Variants in LIX1 observed in about 807,000 individuals in gnomAD.
LIX1 encodes limb and CNS expressed 1.
Under a neutral mutation model 33.4 loss-of-function variants are expected in LIX1, and 24 were observed. The observed-to-expected ratio is 0.72, with a 90% confidence interval of 0.52 to 1.01. The LOEUF is 1.01. Among genes scored for constraint, LIX1 ranks in the 50% least tolerant of loss-of-function variants. The pLI, the probability that LIX1 is intolerant of heterozygous loss-of-function variation, is 0.00. For synonymous variants in LIX1, 124 were observed against 124.0 expected (o/e 1.00, Z 0.00); for missense variants, 311 against 339.2 (o/e 0.92, Z 0.65).
intron 2 of LIX1, among the ~76,000 whole-genome samples, chr5:97,123,002 C>T (rs956631275): frequency 2.6e-5 from 4 of 152,164 alleles, no homozygotes; most frequent in African/African-American, 7.2e-5. Context: ...TGTGGCTGAC[C>T]GCTGCTCACT....
rs187467807 is a variant in LIX1 at position 97,092,671 on chromosome 5, A to T, written c.*2077T>A. 3.2e-3 allele frequency: 483 copies of T among 152,468 alleles called. 6 individuals are homozygous for T. Among genetic ancestry groups the T allele is most frequent in the South Asian group, 0.011 (51 of 4,828 alleles). 9.4% of individuals were successfully genotyped at this position (152,468 alleles called of 1,614,324 possible). A position where few individuals can be genotyped will look rare whatever the true frequency, so the allele number is the denominator to read the frequency against. ...ATTTACAGAATGGGTGCAGTTTTTAACTTGTAGGGCACAAAGTAAATTTGA... is the reference window on the plus strand; with the variant it reads ...ATTTACAGAATGGGTGCAGTTTTTATCTTGTAGGGCACAAAGTAAATTTGA... On this transcript the variant is annotated 3_prime_UTR_variant, in exon 6 of 6. Coordinates refer to ENST00000274382, the MANE Select transcript of LIX1 (RefSeq NM_153234.5).
rs1746105602 is a variant in LIX1, at chr5:97,092,189, G to C, written c.*2559C>G. 1 of 152,284 alleles carries C rather than the reference G, an allele frequency of 6.6e-6. No homozygotes were observed. Among genetic ancestry groups the C allele is most frequent in the African/African-American group, 2.4e-5 (1 of 41,414 alleles). The allele number at this position is 152,284 out of a possible 1,614,324, so 9.4% of individuals were successfully genotyped here. A position where few individuals can be genotyped will look rare whatever the true frequency, so the allele number is the denominator to read the frequency against. ...CCCCTAGGGCAATCTCTGGACTTTG[G>C]GGGGTCCACATACTCTGGAACTGTG... On this transcript the variant is annotated 3_prime_UTR_variant, in exon 6 of 6. Coordinates refer to ENST00000274382, the MANE Select transcript of LIX1 (RefSeq NM_153234.5).
chr5:97,141,275 C>T (rs778339781), intron 1 of LIX1, among the ~76,000 whole-genome samples: 4 of 152,080 alleles, frequency 2.6e-5, no homozygotes, highest in African/African-American at 4.8e-5. Flanking sequence ...TTCTTTCCTC[C>T]CCTTTTCGCT....
chr5:97,123,155 C>T (rs898565209), intron 2 of LIX1, among the ~76,000 whole-genome samples: 2 of 152,170 alleles, frequency 1.3e-5, no homozygotes, highest in African/African-American at 4.8e-5. Flanking sequence ...AAGAGCATTC[C>T]TTGATCATCT....
chr5:97,139,571 C>T (rs1748242471), intron 1 of LIX1, among the ~76,000 whole-genome samples: 1 of 152,182 alleles, frequency 6.6e-6, no homozygotes, highest in African/African-American at 2.4e-5. Flanking sequence ...TTGGATATTG[C>T]ACAAAGCCAA....
rs771783696 is a variant in LIX1 at position 97,107,398 on chromosome 5, T to G, written c.349A>C (p.Ile117Leu). Residue 117 changes from isoleucine (I) to leucine (L), a missense_variant, in exon 3 of 6, where the codon ATT becomes CTT. Coordinates refer to ENST00000274382, the MANE Select transcript of LIX1 (RefSeq NM_153234.5). ...ACTGCTTCCTGAACACTTTCCATAA[T>G]GAATTCCTTGGTGATCCTGCGAGAG... ...LPSRRITKEFIMESVQEAVAS... is the reference protein window; with the variant it reads ...LPSRRITKEFLMESVQEAVAS... 6.2e-7 allele frequency: 1 copy of G among 1,612,572 alleles called. No individual in the cohort carries two copies. The highest frequency in any genetic ancestry group is 1.1e-5 in the South Asian group (1 of 90,996).
chr5:97,103,049 G>T, intron 4 of LIX1: 1 of 454,690 alleles, frequency 2.2e-6, no homozygotes, highest in South Asian at 1.6e-5. Context: ...GTCTCAGAAT[G>T]GACAAGCTCA....
intron 3 of LIX1, among the ~76,000 whole-genome samples, chr5:97,106,799 A>G (rs953670650): frequency 1.3e-5 from 2 of 152,262 alleles, no homozygotes; most frequent in Non-Finnish European, 2.9e-5. Context: ...GAAATTTTCA[A>G]TGCTCTCTGA....
At chr5:97,140,170 T>C (rs1389751961) in intron 1 of LIX1, among the ~76,000 whole-genome samples, 1 of 152,144 alleles carries the variant, frequency 6.6e-6, no homozygotes, top group African/African-American at 2.4e-5. Flanking sequence ...AGAGAAAAAC[T>C]GTGTTTGCAT....
In LIX1 at chr5:97,092,510, A is replaced by C. The variant is rs1746126461; in HGVS notation, c.*2238T>G. 6.6e-6 allele frequency: 1 copy of C among 152,382 alleles called. No homozygotes were observed. The allele number at this position is 152,382 out of a possible 1,614,324, so 9.4% of individuals were successfully genotyped here. The stretch of plus-strand genomic sequence containing the variant: ...TCAGCTGAAATTGATTTACTATCAA[A>C]TCAGCATTAAAGGGACCAGCAAAGA... On this transcript the variant is annotated 3_prime_UTR_variant, in exon 6 of 6. Transcript: ENST00000274382.
chr5:97,101,928 G>A (rs1227081106), intron 4 of LIX1: 1 of 152,172 alleles, frequency 6.6e-6, no homozygotes, highest in African/African-American at 2.4e-5. Context: ...TAGCAAAGAT[G>A]TAAATAAACA....
intron 2 of LIX1, among the ~76,000 whole-genome samples, chr5:97,111,787 A>G (rs1747408452): frequency 1.3e-5 from 2 of 152,218 alleles, no homozygotes; most frequent in Admixed American, 1.3e-4. Flanking sequence ...CAAAAGCACC[A>G]CATACGTTTA....
At chr5:97,119,683 A>G (rs1398805146) in intron 2 of LIX1, among the ~76,000 whole-genome samples, 2 of 152,176 alleles carry the variant, frequency 1.3e-5, no homozygotes, top group Non-Finnish European at 2.9e-5. Flanking sequence ...GATCAGAGAA[A>G]TCAGCAAGAG....
At chr5:97,124,722 G>T in intron 1 of LIX1, 93 bp from the exon 2 acceptor site, 2 of 1,071,258 alleles carry the variant, frequency 1.9e-6, no homozygotes, top group East Asian at 2.5e-5. Context: ...TCTGTAGCAT[G>T]ACAGTTCCAG....
chr5:97,098,402 TAGA>T (rs1186373338), intron 4 of LIX1, among the ~76,000 whole-genome samples: 1 of 152,252 alleles, frequency 6.6e-6, no homozygotes, highest in African/African-American at 2.4e-5. Flanking sequence ...CGGTTACAAT[TAGA>T]AGTTTTCCAC....
rs948995282 is a variant in LIX1, at chr5:97,107,360, G to A, written c.387C>T (p.Ser129=). ...CCTGCCCTCCATGGTGGGTACTCAC[G>A]CTGGTGGAGGCTACTGCTTCCTGAA... ...ESVQEAVAST[S]GTLDDADDPS... is the part of the protein sequence containing the mutation. Residue 129 remains serine (S), a splice_region_variant and synonymous_variant, in exon 3 of 6, where the codon AGC becomes AGT. Coordinates refer to ENST00000274382, the MANE Select transcript of LIX1 (RefSeq NM_153234.5). 8.7e-6 allele frequency: 14 copies of A among 1,611,998 alleles called. No homozygotes were observed. The highest frequency in any genetic ancestry group is 1.2e-5 in the Non-Finnish European group (14 of 1,179,864).
At chr5:97,128,822 T>C (rs969840683) in intron 1 of LIX1, among the ~76,000 whole-genome samples, 1 of 152,172 alleles carries the variant, frequency 6.6e-6, no homozygotes, top group Non-Finnish European at 1.5e-5. Flanking sequence ...TTTCAGTCTA[T>C]ACTGCCATTA....
intron 1 of LIX1, among the ~76,000 whole-genome samples, chr5:97,140,913 C>T (rs533547148): frequency 6.6e-6 from 1 of 152,318 alleles, no homozygotes; most frequent in African/African-American, 2.4e-5. Flanking sequence ...ATATATAAAA[C>T]AGGACACTTA....
At chr5:97,118,234 A>T (rs1747687201) in intron 2 of LIX1, among the ~76,000 whole-genome samples, 1 of 152,210 alleles carries the variant, frequency 6.6e-6, no homozygotes, top group African/African-American at 2.4e-5. Flanking sequence ...ATTCGAGGAA[A>T]TTTTTCCTTT....
Sources: allele counts gnomAD v4.1 joint callset (sites outside exome capture counted in the v4.1 genomes callset), GRCh38; gene constraint gnomAD v4.1.1; transcripts MANE v1.5; gene names NCBI Gene and HGNC (gene_info 2026-07-23, HGNC 2026-07-21).